Variants in SYN3 observed in about 807,000 individuals in gnomAD.
The protein encoded by SYN3 is synapsin III.
A neutral mutation model predicts 65.8 loss-of-function variants in SYN3; 35 were observed. The observed-to-expected ratio is 0.53, with a 90% CI of 0.41 to 0.70. The LOEUF is 0.70. Ranked by LOEUF, SYN3 falls within the 30% of genes least tolerant of loss-of-function variation. The probability of loss-of-function intolerance (pLI) is 0.00; values close to 1 mark genes in which losing one functional copy is unlikely to be tolerated. For missense variants in SYN3, 680 were observed against 749.0 expected (o/e 0.91, Z 1.08); for synonymous variants, 270 against 292.9 (o/e 0.92, Z 0.80).
intron 6 of SYN3, among the ~76,000 whole-genome samples, chr22:32,728,647 T>C (rs2008206): frequency 0.46 from 69,978 of 152,032 alleles, 16,509 homozygotes; most frequent in African/African-American, 0.58. Context: ...GGGGGAGTCA[T>C]GAAAGTATGA....
At chr22:32,991,338 A>AAATAAT (rs60884096) in intron 2 of SYN3, among the ~76,000 whole-genome samples, 9,755 of 142,540 alleles carry the variant, frequency 0.068, 384 homozygotes, top group Middle Eastern at 0.12. Context: ...ACTCCATCTC[A>AAATAAT]AATAATAATA....
intron 3 of SYN3, among the ~76,000 whole-genome samples, chr22:32,968,375 C>G (rs1050060320): frequency 6.6e-6 from 1 of 152,140 alleles, no homozygotes; most frequent in Non-Finnish European, 1.5e-5. Context: ...CAGTCTCAAG[C>G]CACCATTCCT....
rs1211198537 is a variant in SYN3 at position 32,527,938 on chromosome 22, T to C, written c.1298A>G (p.Gln433Arg). 3 of 1,590,560 alleles carry C rather than the reference T, an allele frequency of 1.9e-6. No homozygotes were observed. The highest frequency in any genetic ancestry group is 2.3e-5 in the South Asian group (2 of 87,800). Residue 433 changes from glutamine (Q) to arginine (R), a missense_variant, in exon 12 of 14, where the codon CAG (glutamine) becomes CGG (arginine). Transcript: ENST00000358763. ...AQLGPQLGQP[Q>R]PRPPPQGGPR... ...CATACCTTGCGGAGGTGGGCGTGGC[T>C]GGGGCTGGCCTAGCTGAGGCCCCAG...
intron 6 of SYN3, among the ~76,000 whole-genome samples, chr22:32,805,264 G>A (rs1178290010): frequency 6.6e-6 from 1 of 152,148 alleles, no homozygotes; most frequent in Non-Finnish European, 1.5e-5. Flanking sequence ...AGCCCCAGAG[G>A]ATGGCCCCTG....
intron 4 of SYN3, among the ~76,000 whole-genome samples, chr22:32,926,613 CCTTT>C (rs926819473): frequency 2.2e-4 from 33 of 152,208 alleles, no homozygotes; most frequent in African/African-American, 7.9e-4. Flanking sequence ...ATATTTTTCC[CCTTT>C]CTTTAACTTT....
chr22:32,617,211 C>A (rs767034246), intron 6 of SYN3, among the ~76,000 whole-genome samples: 1 of 152,174 alleles, frequency 6.6e-6, no homozygotes, highest in Non-Finnish European at 1.5e-5. Context: ...CTGCCCCCAA[C>A]AAACTTGGAG....
At chr22:32,785,164 G>C (rs922904698) in intron 6 of SYN3, among the ~76,000 whole-genome samples, 3 of 152,012 alleles carry the variant, frequency 2.0e-5, no homozygotes, top group African/African-American at 7.2e-5. Flanking sequence ...GGGGTCAGTC[G>C]GTGCAGCTCT....
chr22:32,857,684 C>G (rs746255780), intron 6 of SYN3, among the ~76,000 whole-genome samples: 18 of 152,192 alleles, frequency 1.2e-4, no homozygotes, highest in Non-Finnish European at 1.0e-4. Flanking sequence ...GAAAGTTATT[C>G]ATCTTTAGGC....
chr22:32,538,006 G>A, intron 9 of SYN3, 30 bp downstream of exon 9: 2 of 1,603,642 alleles, frequency 1.2e-6, no homozygotes, highest in Non-Finnish European at 1.7e-6. Context: ...TATGGCCAGT[G>A]CCTCTCCCTA....
chr22:32,865,738 T>C (rs1020593716), intron 5 of SYN3, among the ~76,000 whole-genome samples: 7 of 152,206 alleles, frequency 4.6e-5, no homozygotes, highest in African/African-American at 1.7e-4. Flanking sequence ...GTGAGCTCTG[T>C]CGCTATGCTT....
chr22:32,531,450 T>C (rs1269112707), intron 10 of SYN3, among the ~76,000 whole-genome samples: 1 of 152,182 alleles, frequency 6.6e-6, no homozygotes, highest in Non-Finnish European at 1.5e-5. Context: ...CTGAGGTTCA[T>C]TTTGGAATCC....
At chr22:32,595,279 T>A (rs905616469) in intron 7 of SYN3, among the ~76,000 whole-genome samples, 8 of 152,176 alleles carry the variant, frequency 5.3e-5, no homozygotes, top group Non-Finnish European at 4.4e-5. Flanking sequence ...GTTGGGTGGC[T>A]CACAGCCATT....
chr22:32,833,377 C>T lies in SYN3; in HGVS notation c.711+31538G>A, dbSNP rs138993424. 7.9e-3 allele frequency among the ~76,000 whole-genome samples: 1,207 copies of T among 152,232 alleles called. 9 individuals carry two copies. The highest frequency in any genetic ancestry group is 0.012 in the Non-Finnish European group (839 of 68,008). The stretch of plus-strand genomic sequence containing the variant: ...GTTTTTTTGTAAGCCCAAGATGTCA[C>T]CTAGGTGGGAGAAAGCCACAGGGAA... On this transcript the variant is annotated intron_variant, in intron 6 of 13. Transcript: ENST00000358763.
chr22:32,687,508 T>C (rs2060607384), intron 6 of SYN3, among the ~76,000 whole-genome samples: 1 of 152,166 alleles, frequency 6.6e-6, no homozygotes, highest in Admixed American at 6.5e-5. Flanking sequence ...TTTCCCTCTC[T>C]TTCCATTGCT....
At chr22:32,953,110 T>C (rs2051340209) in intron 3 of SYN3, among the ~76,000 whole-genome samples, 1 of 152,244 alleles carries the variant, frequency 6.6e-6, no homozygotes, top group Middle Eastern at 3.2e-3. Flanking sequence ...GCATGGGTAT[T>C]AGCCTCCTCA....
chr22:32,684,804 G>A (rs764336499), intron 6 of SYN3, among the ~76,000 whole-genome samples: 8 of 152,230 alleles, frequency 5.3e-5, no homozygotes, highest in Admixed American at 2.6e-4. Context: ...TTCAAGTTCC[G>A]GCTCTTCCAA....
In SYN3 at chr22:32,890,799, C is replaced by CTA. The variant is rs199866612; in HGVS notation, c.462-21676_462-21675dup. ...ATCCATCTTCATTGATTTATAATAA[C>CTA]TATATATATAGAGAGAGAGAGAGCT... On this transcript the variant is annotated intron_variant, in intron 4 of 13. Coordinates refer to ENST00000358763, the MANE Select transcript of SYN3 (RefSeq NM_003490.4). Among the ~76,000 whole-genome samples, 1,401 of 151,786 alleles carry CTA rather than the reference C, an allele frequency of 9.2e-3. 24 individuals are homozygous for CTA. Among genetic ancestry groups the CTA allele is most frequent in the African/African-American group, 0.03 (1,228 of 41,404 alleles).
chr22:32,909,899 T>C (rs915823742), intron 4 of SYN3, among the ~76,000 whole-genome samples: 10 of 152,104 alleles, frequency 6.6e-5, no homozygotes, highest in African/African-American at 2.2e-4. Context: ...AGCATTTGCA[T>C]GAAGAGTGTA....
At chr22:33,032,193 G>C (rs1601936403) in intron 1 of SYN3, among the ~76,000 whole-genome samples, 1 of 149,782 alleles carries the variant, frequency 6.7e-6, no homozygotes, top group East Asian at 2.0e-4. Flanking sequence ...CTGGGTGACA[G>C]AGCAAGGCTC....
Sources: allele counts gnomAD v4.1 joint callset (sites outside exome capture counted in the v4.1 genomes callset), GRCh38; gene constraint gnomAD v4.1.1; transcripts MANE v1.5; gene names NCBI Gene and HGNC (gene_info 2026-07-23, HGNC 2026-07-21).